FBN2: variants seen among roughly 807,000 people sequenced by gnomAD.
The protein encoded by FBN2 is fibrillin 2, also known as fibrillin-2.
Under a neutral mutation model 355.6 loss-of-function variants are expected in FBN2, and 105 were observed. The ratio of observed to expected loss-of-function variants is 0.30; its 90% CI spans 0.25 to 0.35. FBN2 has a LOEUF of 0.35. FBN2 is among the 10% of genes least tolerant of loss of function. FBN2 has a pLI of 1.00. For missense variants in FBN2, 3,280 were observed against 3,758.7 expected, an observed-to-expected ratio of 0.87 and a Z score of 3.33; for synonymous variants, 1,350 against 1,301.2, an observed-to-expected ratio of 1.04 and a Z score of -0.81.
At chr5:128,430,861 A>T (rs1753603688) in intron 7 of FBN2, among the ~76,000 whole-genome samples, 1 of 28,534 alleles carries the variant, frequency 3.5e-5, no homozygotes, top group Admixed American at 4.6e-4. Context: ...AAAATAAATA[A>T]ATAAATAAAT....
intron 7 of FBN2, 78 bp from the exon 8 acceptor site, chr5:128,408,877 A>C: frequency 6.6e-7 from 1 of 1,504,356 alleles, no homozygotes; most frequent in Non-Finnish European, 9.2e-7. Flanking sequence ...TTTTTTTAAG[A>C]GTATGAGAGC....
chr5:128,277,977 G>A lies in FBN2; in HGVS notation c.7374C>T (p.Asn2458=), dbSNP rs1383809012. Reference sequence around the variant, plus strand: ...TGATGCACTGACCATTGGTGCAGAGGTTTGGCATTACCTTACATTCATCAA... The same window carrying A: ...TGATGCACTGACCATTGGTGCAGAGATTTGGCATTACCTTACATTCATCAA... The part of the protein sequence containing the change: ...RDIDECKVMP[N]LCTNGQCINT... The change falls in exon 58 of 65, where the codon AAC becomes AAT. Residue 2458 remains asparagine (N), a synonymous_variant. Coordinates refer to ENST00000262464, the MANE Select transcript of FBN2 (RefSeq NM_001999.4). The A allele has an allele frequency of 2.5e-6, 4 of 1,613,812 alleles. No individual in the cohort carries two copies. Among genetic ancestry groups the A allele is most frequent in the East Asian group, 2.2e-5 (1 of 44,886 alleles).
intron 4 of FBN2, among the ~76,000 whole-genome samples, chr5:128,525,932 T>C (rs1036872099): frequency 1.3e-5 from 2 of 152,146 alleles, no homozygotes; most frequent in African/African-American, 4.8e-5. Context: ...ATATTATCTA[T>C]GGTCACTTCT....
chr5:128,509,195 A>G (rs1270851950), intron 5 of FBN2, among the ~76,000 whole-genome samples: 1 of 152,052 alleles, frequency 6.6e-6, no homozygotes, highest in Non-Finnish European at 1.5e-5. Context: ...TCTGCCATCT[A>G]TTATTTTGCT....
chr5:128,354,758 C>A (rs1424447245), intron 20 of FBN2, among the ~76,000 whole-genome samples: 1 of 152,116 alleles, frequency 6.6e-6, no homozygotes. Flanking sequence ...ATGAATTTGC[C>A]ATTTGCTGAG....
chr5:128,268,661 A>G (rs1765181879), intron 62 of FBN2, among the ~76,000 whole-genome samples: 2 of 152,238 alleles, frequency 1.3e-5, no homozygotes, highest in South Asian at 4.1e-4. Flanking sequence ...GCAGCACATC[A>G]AAAAACTTAT....
intron 4 of FBN2, among the ~76,000 whole-genome samples, chr5:128,520,228 T>A (rs567674746): frequency 1.5e-4 from 23 of 152,262 alleles, no homozygotes; most frequent in South Asian, 6.2e-4. Flanking sequence ...TGAACTGCCG[T>A]GCACTGCAAC....
At chr5:128,308,155 G>T (rs555592523) in intron 41 of FBN2, among the ~76,000 whole-genome samples, 2 of 152,118 alleles carry the variant, frequency 1.3e-5, no homozygotes, top group South Asian at 4.2e-4. Flanking sequence ...TACTCTGCAG[G>T]AGGTTCCACA....
In FBN2 at chr5:128,519,382, T is replaced by C. The variant is rs746951131; in HGVS notation, c.533-14A>G. On this transcript the variant is annotated splice_polypyrimidine_tract_variant and intron_variant, in intron 4 of 64. Coordinates refer to ENST00000262464, the MANE Select transcript of FBN2 (RefSeq NM_001999.4). ...TTTCACAGACAGCTGCATACAAAAA[T>C]AGCAAGAAGCTCATTATATAGCCAG... is the stretch of plus-strand genomic sequence containing the variant. 5 of 1,607,352 alleles carry C rather than the reference T, an allele frequency of 3.1e-6. No homozygotes were observed. Among genetic ancestry groups the C allele is most frequent in the Non-Finnish European group, 4.3e-6 (5 of 1,174,210 alleles).
Position 128,486,541 on chromosome 5 carries a change from C to CA in FBN2, c.629-21621dup, listed in dbSNP as rs528966876. ...TTCTTGTATGTCTTCAAAACACACT[C>CA]ACTTCTTTCCTACCTCAGAACCTTT... On this transcript the variant is annotated intron_variant, in intron 5 of 64. Transcript: ENST00000262464. Among the ~76,000 whole-genome samples the CA allele has an allele frequency of 7.2e-5, 11 of 152,252 alleles. No individual in the cohort carries two copies. In the East Asian group the frequency reaches 1.4e-3, roughly 19 times the overall value.
chr5:128,373,513 A>C (rs1752001846), intron 15 of FBN2, among the ~76,000 whole-genome samples: 1 of 152,150 alleles, frequency 6.6e-6, no homozygotes, highest in Non-Finnish European at 1.5e-5. Context: ...TTTGATTCTC[A>C]TAGGTAGGAG....
intron 61 of FBN2, 151 bp downstream of exon 61, chr5:128,273,689 T>C (rs1163662376): frequency 7.7e-6 from 6 of 783,182 alleles, no homozygotes; most frequent in East Asian, 5.4e-5. Context: ...AAGTGATACA[T>C]AGAAATTTAT....
intron 6 of FBN2, among the ~76,000 whole-genome samples, chr5:128,463,905 TTC>T (rs765792298): frequency 3.3e-5 from 5 of 152,172 alleles, no homozygotes; most frequent in East Asian, 1.9e-4. Flanking sequence ...CAAAAATCAT[TTC>T]TGTTTTCCTG....
At chr5:128,291,223 G>A (rs1386624087) in intron 49 of FBN2, among the ~76,000 whole-genome samples, 1 of 151,886 alleles carries the variant, frequency 6.6e-6, no homozygotes, top group Non-Finnish European at 1.5e-5. Context: ...CACATCAAAA[G>A]CATCACATAC....
intron 22 of FBN2, among the ~76,000 whole-genome samples, 181 bp from the exon 23 acceptor site, chr5:128,349,653 T>TA (rs1315155915): frequency 6.6e-6 from 1 of 152,170 alleles, no homozygotes; most frequent in Non-Finnish European, 1.5e-5. Flanking sequence ...CTGTGAAAAT[T>TA]ACCACAGCCT....
intron 15 of FBN2, among the ~76,000 whole-genome samples, chr5:128,369,661 A>T (rs1751879362): frequency 6.6e-6 from 1 of 152,208 alleles, no homozygotes; most frequent in African/African-American, 2.4e-5. Flanking sequence ...TGGAGCTCTA[A>T]TCACTGGCTA....
At chr5:128,441,112 T>C (rs546231545) in intron 7 of FBN2, among the ~76,000 whole-genome samples, 12 of 152,170 alleles carry the variant, frequency 7.9e-5, no homozygotes, top group African/African-American at 2.7e-4. Context: ...AGGCTCTGTA[T>C]TTTTTTGCCT....
chr5:128,383,122 CAG>C (rs1752276923), intron 11 of FBN2, among the ~76,000 whole-genome samples: 1 of 152,084 alleles, frequency 6.6e-6, no homozygotes, highest in African/African-American at 2.4e-5. Context: ...ACGATGCAGA[CAG>C]GGGGAACACT....
Position 128,351,966 on chromosome 5 carries a change from A to G in FBN2, c.2675-961T>C, listed in dbSNP as rs939239486. ...TATATCCTTAATGACAAATGCTTTGATATTTAAGATTTTATCGTATAAAAT... is the reference window on the plus strand; with the variant it reads ...TATATCCTTAATGACAAATGCTTTGGTATTTAAGATTTTATCGTATAAAAT... On this transcript the variant is annotated intron_variant, in intron 20 of 64. Transcript: ENST00000262464. 5.3e-5 allele frequency among the ~76,000 whole-genome samples: 8 copies of G among 152,122 alleles called. No homozygotes were observed. In the South Asian group the frequency reaches 6.2e-4, roughly 12 times the overall value.
Sources: allele counts gnomAD v4.1 joint callset (sites outside exome capture counted in the v4.1 genomes callset), GRCh38; gene constraint gnomAD v4.1.1; transcripts MANE v1.5; gene names NCBI Gene and HGNC (gene_info 2026-07-23, HGNC 2026-07-21).